Variants in ELF1 observed in about 807,000 individuals in gnomAD.
The protein encoded by ELF1 is ETS-related transcription factor Elf-1.
Under a neutral mutation model 59.9 loss-of-function variants are expected in ELF1, and 24 were observed. The observed-to-expected ratio is 0.40, with a 90% CI of 0.29 to 0.56. The LOEUF is 0.56. ELF1 is among the 20% of genes least tolerant of loss of function. ELF1 has a pLI of 0.44. For missense variants in ELF1, 627 were observed against 742.2 expected, an observed-to-expected ratio of 0.84 and a Z score of 1.80; for synonymous variants, 248 against 266.2, an observed-to-expected ratio of 0.93 and a Z score of 0.67.
At chr13:40,941,756 T>C (rs1222518968) in intron 7 of ELF1, among the ~76,000 whole-genome samples, 5 of 152,112 alleles carry the variant, frequency 3.3e-5, no homozygotes, top group African/African-American at 1.2e-4. Flanking sequence ...CTCCTGGCCT[T>C]AAGCAATCTT....
At chr13:41,055,861 T>C (rs1356567205) in intron 1 of ELF1, among the ~76,000 whole-genome samples, 1 of 151,646 alleles carries the variant, frequency 6.6e-6, no homozygotes, top group Non-Finnish European at 1.5e-5. Context: ...TTTTTGTTTT[T>C]TTTTTTCTTT....
chr13:41,032,560 G>A (rs1022442881), intron 1 of ELF1, among the ~76,000 whole-genome samples: 4 of 151,796 alleles, frequency 2.6e-5, no homozygotes, highest in Non-Finnish European at 4.4e-5. Context: ...TATTTATAAG[G>A]AGATTAAGAA....
At chr13:40,993,116 G>A (rs1873950284) in intron 1 of ELF1, 1 of 1,598,534 alleles carries the variant, frequency 6.3e-7, no homozygotes, top group Non-Finnish European at 8.6e-7. Context: ...CCTCTGCAGT[G>A]GGGTTTTGGC....
intron 1 of ELF1, among the ~76,000 whole-genome samples, chr13:41,047,806 G>A (rs913930582): frequency 1.3e-5 from 2 of 152,198 alleles, no homozygotes; most frequent in African/African-American, 4.8e-5. Flanking sequence ...CTTCAAAGCT[G>A]TCAGACAGGG....
intron 1 of ELF1, among the ~76,000 whole-genome samples, chr13:41,042,893 A>C (rs1019070770): frequency 6.6e-6 from 1 of 152,174 alleles, no homozygotes; most frequent in African/African-American, 2.4e-5. Context: ...CATCTTCCAC[A>C]ATGGTTGAAC....
At chr13:41,029,616 A>G (rs983371231) in intron 1 of ELF1, among the ~76,000 whole-genome samples, 1 of 152,042 alleles carries the variant, frequency 6.6e-6, no homozygotes, top group Non-Finnish European at 1.5e-5. Flanking sequence ...TCCTGGGCTC[A>G]AGTGATCCAC....
At chr13:41,021,298 A>G (rs147019111), upstream of ELF1, among the ~76,000 whole-genome samples, 629 of 152,348 alleles carry the variant, frequency 4.1e-3, 5 homozygotes, top group African/African-American at 0.014. Flanking sequence ...TAATGTGAAG[A>G]GAATTAAAGG....
intron 1 of ELF1, among the ~76,000 whole-genome samples, chr13:41,060,192 G>A (rs983306934): frequency 1.3e-5 from 2 of 152,164 alleles, no homozygotes; most frequent in African/African-American, 2.4e-5. Context: ...GGGAAAGCGC[G>A]TCCCCCCGGG....
chr13:40,968,412 T>A (rs572914699), intron 2 of ELF1, among the ~76,000 whole-genome samples: 2 of 152,324 alleles, frequency 1.3e-5, no homozygotes, highest in South Asian at 4.1e-4. Flanking sequence ...TCTTTGGGAA[T>A]AAATAATACA....
At chr13:40,993,847 A>C (rs1490934654) in intron 1 of ELF1, among the ~76,000 whole-genome samples, 1 of 152,076 alleles carries the variant, frequency 6.6e-6, no homozygotes, top group Non-Finnish European at 1.5e-5. Flanking sequence ...GGAAGTGCCC[A>C]GGACGTTATC....
chr13:41,016,771 G>A (rs1875387235), intron 1 of ELF1, among the ~76,000 whole-genome samples: 1 of 150,830 alleles, frequency 6.6e-6, no homozygotes, highest in Admixed American at 6.6e-5. Context: ...AAAATTAGCT[G>A]GGCGTGGTGG....
At chr13:41,056,343 A>G (rs529034436) in intron 1 of ELF1, among the ~76,000 whole-genome samples, 13 of 152,270 alleles carry the variant, frequency 8.5e-5, no homozygotes, top group Admixed American at 2.0e-4. Flanking sequence ...CAAATATTCC[A>G]CTGTGTGGAT....
intron 3 of ELF1, among the ~76,000 whole-genome samples, chr13:40,954,596 C>G (rs1871094228): frequency 1.3e-5 from 2 of 152,094 alleles, no homozygotes; most frequent in South Asian, 4.1e-4. Flanking sequence ...TGCAGGCGCG[C>G]GCCGCCACGC....
chr13:40,985,721 T>C (rs954803237), intron 1 of ELF1, among the ~76,000 whole-genome samples: 2 of 152,120 alleles, frequency 1.3e-5, no homozygotes, highest in Non-Finnish European at 2.9e-5. Context: ...CGGTCTTAGA[T>C]GGAAAAAAAA....
intron 1 of ELF1, among the ~76,000 whole-genome samples, chr13:41,018,379 T>C (rs1317294609): frequency 6.6e-6 from 1 of 152,132 alleles, no homozygotes; most frequent in Non-Finnish European, 1.5e-5. Flanking sequence ...GGCAGGCAAA[T>C]TTTAAGAACA....
intron 8 of ELF1, among the ~76,000 whole-genome samples, chr13:40,940,386 G>GATAAAAA (rs1870059025): frequency 9.1e-6 from 1 of 109,896 alleles, no homozygotes; most frequent in African/African-American, 4.9e-5. Context: ...TGATTTAACT[G>GATAAAAA]AAAAAAAAAA....
chr13:41,001,720 G>A (rs1593388906), intron 1 of ELF1, among the ~76,000 whole-genome samples: 1 of 152,138 alleles, frequency 6.6e-6, no homozygotes, highest in Admixed American at 6.5e-5. Context: ...CTTTAAAAAT[G>A]TAAAGCCAGA....
chr13:40,975,625 T>C (rs991589254), intron 2 of ELF1, among the ~76,000 whole-genome samples: 4 of 152,192 alleles, frequency 2.6e-5, no homozygotes, highest in African/African-American at 9.7e-5. Context: ...CTTAGAACTG[T>C]AGTGACATGG....
intron 1 of ELF1, among the ~76,000 whole-genome samples, chr13:41,037,665 G>A (rs1324523422): frequency 1.6e-4 from 24 of 151,796 alleles, no homozygotes; most frequent in Non-Finnish European, 8.8e-5. Flanking sequence ...GCATGGTGGC[G>A]CATGCCTGTA....
Sources: allele counts gnomAD v4.1 joint callset (sites outside exome capture counted in the v4.1 genomes callset), GRCh38; gene constraint gnomAD v4.1.1; transcripts MANE v1.5; gene names NCBI Gene and HGNC (gene_info 2026-07-23, HGNC 2026-07-21).